Variants in GLI3 observed in about 807,000 individuals in gnomAD.
The protein encoded by GLI3 is transcription activator GLI3.
A neutral mutation model predicts 100.8 loss-of-function variants in GLI3; 20 were observed. The observed-to-expected ratio is 0.20, with a 90% CI of 0.14 to 0.29. The LOEUF is 0.29. Ranked by LOEUF, GLI3 falls within the 10% of genes least tolerant of loss-of-function variation. GLI3 has a pLI of 1.00. For missense variants in GLI3, 2,040 were observed against 2,128.5 expected (o/e 0.96, Z 0.82); for synonymous variants, 938 against 860.5 (o/e 1.09, Z -1.58).
intron 3 of GLI3, among the ~76,000 whole-genome samples, chr7:42,093,066 G>A (rs1014312420): frequency 6.6e-5 from 10 of 151,854 alleles, no homozygotes; most frequent in Non-Finnish European, 1.0e-4. Flanking sequence ...CACCTGCCTC[G>A]GCCTCCCAGA....
intron 2 of GLI3, among the ~76,000 whole-genome samples, chr7:42,159,425 T>C (rs1429392101): frequency 6.6e-6 from 1 of 152,186 alleles, no homozygotes; most frequent in Non-Finnish European, 1.5e-5. Flanking sequence ...TGGAAAGGAA[T>C]GCTAAATGAG....
chr7:42,255,057 T>C (rs946813666), intron 1 of GLI3, among the ~76,000 whole-genome samples: 2 of 150,450 alleles, frequency 1.3e-5, no homozygotes, highest in African/African-American at 2.5e-5. Flanking sequence ...CTCTCTTACA[T>C]CTTTTTTTTT....
At chr7:42,129,763 T>C (rs567541752) in intron 3 of GLI3, among the ~76,000 whole-genome samples, 116 of 151,892 alleles carry the variant, frequency 7.6e-4, no homozygotes, top group Non-Finnish European at 1.1e-3. Context: ...TGAGCCGAGA[T>C]CGCGCCACTG....
Position 42,040,163 on chromosome 7 carries a change from A to G in GLI3, c.903T>C (p.Asp301=), listed in dbSNP as rs764844745. ...TCATGGTCTGAAGGTCAAAGCTATG[A>G]TCGGAGAGTGGTGATATGGACAGTG... ...KRTLSISPLS[D]HSFDLQTMIR... Residue 301 remains aspartate (D), a synonymous_variant, in exon 7 of 15, where the codon GAT becomes GAC. Coordinates refer to ENST00000395925, the MANE Select transcript of GLI3 (RefSeq NM_000168.6). 23 of 1,613,980 alleles carry G rather than the reference A, an allele frequency of 1.4e-5. No individual in the cohort carries two copies. The highest frequency in any genetic ancestry group is 1.8e-5 in the Non-Finnish European group (21 of 1,179,840).
chr7:42,214,862 TAAAAA>T (rs34437341), intron 2 of GLI3, among the ~76,000 whole-genome samples: 3 of 119,022 alleles, frequency 2.5e-5, no homozygotes, highest in Non-Finnish European at 3.5e-5. Context: ...CACTGGATGC[TAAAAA>T]AAAAAAAAAA....
chr7:42,225,039 G>A (rs1313938280), intron 1 of GLI3, among the ~76,000 whole-genome samples: 1 of 152,218 alleles, frequency 6.6e-6, no homozygotes. Context: ...TCTGGACAGA[G>A]AACCCTTAAA....
chr7:42,004,753 A>G (rs1332181880), intron 10 of GLI3, among the ~76,000 whole-genome samples: 6 of 152,196 alleles, frequency 3.9e-5, no homozygotes, highest in Admixed American at 2.0e-4. Context: ...TTGGGATTCC[A>G]GGCATAAACC....
rs1224363568 is a variant in GLI3 at position 41,966,104 on chromosome 7, C to T, written c.2969G>A (p.Arg990His). ...CGGCGCATCGTGCGGCTGCAGGTGG[C>T]GCCGCCCGTAGCCGTGGGCTCCCCC... ...SDGGAHGYGR[R>H]HLQPHDAPGH... Residue 990 changes from arginine (R) to histidine (H), a missense_variant, in exon 15 of 15, where the codon CGC becomes CAC. Around this residue, in one of 5 missense-constraint regions of GLI3, gnomAD observed 1,041 missense variants for 924.0 expected, o/e 1.13. Transcript: ENST00000395925. The surrounding 1 kb of genome is among the most constrained non-coding windows in gnomAD (Gnocchi z 5.8). 2 of 1,571,596 alleles carry T rather than the reference C, an allele frequency of 1.3e-6. No individual in the cohort carries two copies. The highest frequency in any genetic ancestry group is 1.4e-5 in the African/African-American group (1 of 74,044).
intron 3 of GLI3, among the ~76,000 whole-genome samples, chr7:42,082,511 G>C (rs750527448): frequency 6.6e-6 from 1 of 152,086 alleles, no homozygotes; most frequent in African/African-American, 2.4e-5. Context: ...ATGATCTACC[G>C]TGAGCGGAAT....
chr7:42,205,399 C>T (rs113104455), intron 2 of GLI3, among the ~76,000 whole-genome samples: 10 of 152,268 alleles, frequency 6.6e-5, no homozygotes, highest in African/African-American at 2.4e-4. Flanking sequence ...AAGTAACTCC[C>T]AGCAACAACA....
intron 3 of GLI3, among the ~76,000 whole-genome samples, chr7:42,077,501 T>C (rs184970181): frequency 1.5e-3 from 232 of 151,968 alleles, no homozygotes; most frequent in Non-Finnish European, 2.7e-3. Context: ...CAGGAAGAGA[T>C]AAGCTGACCC....
At chr7:42,243,215 A>T (rs1788942346) in intron 1 of GLI3, among the ~76,000 whole-genome samples, 1 of 152,194 alleles carries the variant, frequency 6.6e-6, no homozygotes, top group South Asian at 2.1e-4. Context: ...TCTCGGAGGC[A>T]CAAGATTCCA....
At chr7:41,984,213 C>T (rs1278293090) in intron 10 of GLI3, among the ~76,000 whole-genome samples, 1 of 152,218 alleles carries the variant, frequency 6.6e-6, no homozygotes, top group African/African-American at 2.4e-5. Flanking sequence ...ATGGACTTTA[C>T]TGAGCTAATC....
rs539850988 is a variant in GLI3 at position 42,194,783 on chromosome 7, G to A, written c.124+28347C>T. Among the ~76,000 whole-genome samples, 133 of 47,272 alleles carry A rather than the reference G, an allele frequency of 2.8e-3. 3 individuals are homozygous for A. In the South Asian group the frequency reaches 0.071, roughly 25 times the overall value. 31.0% of individuals were successfully genotyped at this position (47,272 alleles called of 152,430 possible). A position where few individuals can be genotyped will look rare whatever the true frequency, so the allele number is the denominator to read the frequency against. On this transcript the variant is annotated intron_variant, in intron 2 of 14. Transcript: ENST00000395925. Reference sequence around the variant, plus strand: ...TCTTTTTTTTTTTTTTTTTGGAGTCGGAGTTTCACTCTGTCACCTGTCACC... The same window carrying A: ...TCTTTTTTTTTTTTTTTTTGGAGTCAGAGTTTCACTCTGTCACCTGTCACC...
intron 3 of GLI3, among the ~76,000 whole-genome samples, chr7:42,095,813 G>A (rs947351382): frequency 6.6e-6 from 1 of 152,150 alleles, no homozygotes; most frequent in Non-Finnish European, 1.5e-5. Context: ...TGAGAGCCAC[G>A]TCTAGCCTGG....
chr7:42,141,965 C>A (rs1015959002), intron 3 of GLI3, among the ~76,000 whole-genome samples: 1 of 152,104 alleles, frequency 6.6e-6, no homozygotes, highest in African/African-American at 2.4e-5. Context: ...ACGCATGAGT[C>A]CCCAGTCCTA....
intron 4 of GLI3, among the ~76,000 whole-genome samples, chr7:42,065,294 C>A (rs762656811): frequency 6.8e-6 from 1 of 147,882 alleles, no homozygotes; most frequent in East Asian, 2.0e-4. Flanking sequence ...AAATGCAGAC[C>A]CCTGGTTAGC....
chr7:42,108,461 G>A (rs541985048), intron 3 of GLI3, among the ~76,000 whole-genome samples: 134 of 152,258 alleles, frequency 8.8e-4, no homozygotes, highest in African/African-American at 3.0e-3. Flanking sequence ...AGCTGATGGC[G>A]CTTTCCGCAA....
intron 1 of GLI3, among the ~76,000 whole-genome samples, chr7:42,257,147 T>C (rs1337799630): frequency 6.6e-6 from 1 of 152,162 alleles, no homozygotes; most frequent in Non-Finnish European, 1.5e-5. Context: ...CTAAAATAGT[T>C]AATTAGTTCT....
Sources: allele counts gnomAD v4.1 joint callset (sites outside exome capture counted in the v4.1 genomes callset), GRCh38; gene constraint gnomAD v4.1.1; regional missense constraint gnomAD v4.1.1; non-coding constraint Gnocchi (gnomAD v3.1); transcripts MANE v1.5; gene names NCBI Gene and HGNC (gene_info 2026-07-23, HGNC 2026-07-21).